Variants in LOXHD1 observed in about 807,000 individuals in gnomAD.
LOXHD1 encodes the protein lipoxygenase homology PLAT domains 1, also known as lipoxygenase homology domain-containing protein 1.
Under a neutral mutation model 248.2 loss-of-function variants are expected in LOXHD1, and 205 were observed. The observed-to-expected ratio is 0.83, with a 90% CI of 0.74 to 0.93. The LOEUF (loss-of-function observed/expected upper bound fraction) is 0.93, where lower values mean the gene tolerates loss of function less well. LOXHD1 is among the 40% of genes least tolerant of loss of function. The pLI is 0.00. For synonymous variants in LOXHD1, 1,113 were observed against 1,162.8 expected (o/e 0.96, Z 0.87); for missense variants, 2,930 against 2,971.6 (o/e 0.99, Z 0.33).
At chr18:46,565,575 G>C (rs148804231) in intron 17 of LOXHD1, among the ~76,000 whole-genome samples, 2 of 152,270 alleles carry the variant, frequency 1.3e-5, no homozygotes, top group Non-Finnish European at 2.9e-5. Context: ...TATCTGCAGG[G>C]ACAGGTTCCA....
At chr18:46,547,357 A>G (rs971000002) in intron 21 of LOXHD1, among the ~76,000 whole-genome samples, 2 of 152,192 alleles carry the variant, frequency 1.3e-5, no homozygotes, top group African/African-American at 2.4e-5. Flanking sequence ...ATCTAGAAGG[A>G]GAGGGACATA....
At chr18:46,625,875 G>A (rs1195815009) in intron 4 of LOXHD1, among the ~76,000 whole-genome samples, 1 of 152,042 alleles carries the variant, frequency 6.6e-6, no homozygotes. Context: ...CCATCCACCT[G>A]CACATTTCGA....
intron 8 of LOXHD1, among the ~76,000 whole-genome samples, chr18:46,597,482 A>G (rs1019921569): frequency 1.3e-5 from 2 of 152,050 alleles, no homozygotes; most frequent in African/African-American, 4.8e-5. Flanking sequence ...TAAAGCAAAA[A>G]TTGTTCTACA....
chr18:46,537,888 T>C (rs1431948429), intron 26 of LOXHD1, among the ~76,000 whole-genome samples: 1 of 152,208 alleles, frequency 6.6e-6, no homozygotes, highest in Non-Finnish European at 1.5e-5. Flanking sequence ...GAGAGGCCCG[T>C]TGGCTTTATG....
intron 36 of LOXHD1, among the ~76,000 whole-genome samples, chr18:46,506,696 T>C (rs922892216): frequency 6.6e-6 from 1 of 152,190 alleles, no homozygotes; most frequent in African/African-American, 2.4e-5. Flanking sequence ...CCCAACAAAA[T>C]TTACTAGCTT....
intron 34 of LOXHD1, among the ~76,000 whole-genome samples, chr18:46,511,056 C>T (rs1192261320): frequency 6.6e-6 from 1 of 152,150 alleles, no homozygotes; most frequent in Non-Finnish European, 1.5e-5. Context: ...TTGAATTTAG[C>T]CAAGTGTCTT....
rs142071544 is a variant in LOXHD1 at position 46,549,380 on chromosome 18, A to G, written c.3351-2322T>C. 4.3e-4 allele frequency among the ~76,000 whole-genome samples: 65 copies of G among 152,374 alleles called. 1 individual carries two copies. The Middle Eastern group carries it at 0.014, about 32-fold the overall frequency. ...GAGATTGCAAAATTGAGTGTTGTAC[A>G]ATATAAATAATTTCATACAGAATTT... is the stretch of plus-strand genomic sequence containing the variant. On this transcript the variant is annotated intron_variant, in intron 21 of 40. Coordinates refer to ENST00000642948, the MANE Select transcript of LOXHD1 (RefSeq NM_001384474.1).
At chr18:46,528,621 C>G (rs1359114048) in intron 29 of LOXHD1, among the ~76,000 whole-genome samples, 1 of 152,124 alleles carries the variant, frequency 6.6e-6, no homozygotes, top group Non-Finnish European at 1.5e-5. Context: ...TCCATCTGCA[C>G]CTGCCTCCAC....
chr18:46,518,913 A>G lies in LOXHD1; in HGVS notation c.5272-657T>C, dbSNP rs541611580. 7.1e-6 allele frequency: 7 copies of G among 985,572 alleles called. No individual in the cohort carries two copies. The East Asian group carries it at 7.9e-4, about 112-fold the overall frequency. 61.1% of individuals were successfully genotyped at this position (985,572 alleles called of 1,614,324 possible). A position where few individuals can be genotyped will look rare whatever the true frequency, so the allele number is the denominator to read the frequency against. ...ACTGCCTCAATCCACTGGAGAAGTG[A>G]GACAATCCCCTAGTTCCATGATGTT... On this transcript the variant is annotated intron_variant, in intron 33 of 40. Transcript: ENST00000642948.
intron 21 of LOXHD1, among the ~76,000 whole-genome samples, chr18:46,556,429 C>G (rs1164210814): frequency 6.6e-6 from 1 of 152,086 alleles, no homozygotes; most frequent in Non-Finnish European, 1.5e-5. Context: ...AGTTGCTGGT[C>G]TGGGGGATCT....
At chr18:46,525,549 C>G (rs1455501867) in intron 29 of LOXHD1, among the ~76,000 whole-genome samples, 2 of 151,968 alleles carry the variant, frequency 1.3e-5, no homozygotes, top group African/African-American at 4.8e-5. Flanking sequence ...TGATACAAGG[C>G]CCTAATCTGT....
intron 25 of LOXHD1, among the ~76,000 whole-genome samples, chr18:46,538,822 G>C (rs1230355269): frequency 6.6e-6 from 1 of 152,168 alleles, no homozygotes; most frequent in Non-Finnish European, 1.5e-5. Context: ...GTCTACGGTA[G>C]TGAGCATTCT....
Position 46,524,547 on chromosome 18 carries a change from T to C in LOXHD1, c.4795A>G (p.Ile1599Val). 1 of 1,551,676 alleles carries C rather than the reference T, an allele frequency of 6.4e-7. No individual in the cohort carries two copies. Among genetic ancestry groups the C allele is most frequent in the East Asian group, 2.4e-5 (1 of 40,908 alleles). ...TCGGCCATCTTGGAGCTCAGGGCGA[T>C]CTCCCAGAAGTCAGCAGGGCTGCTG... is the stretch of plus-strand genomic sequence containing the variant. The part of the protein sequence containing the change: ...NCSSPADFWE[I>V]ALSSKMADVD... The change falls in exon 31 of 41, where the codon ATC (isoleucine) becomes GTC (valine). Residue 1599 changes from isoleucine to valine, a missense_variant. By Grantham distance (29) the Ile-to-Val change is conservative (BLOSUM62 3). Transcript: ENST00000642948.
chr18:46,534,795 G>T (rs1415036565), intron 26 of LOXHD1, among the ~76,000 whole-genome samples: 1 of 152,160 alleles, frequency 6.6e-6, no homozygotes, highest in African/African-American at 2.4e-5. Context: ...GGTAGCAGAA[G>T]ATGAGTTCTG....
intron 12 of LOXHD1, among the ~76,000 whole-genome samples, chr18:46,584,150 G>A (rs1021189270): frequency 6.6e-6 from 1 of 151,918 alleles, no homozygotes; most frequent in Admixed American, 6.6e-5. Flanking sequence ...AAAAAAAAGA[G>A]AGAGAGAGAT....
intron 21 of LOXHD1, among the ~76,000 whole-genome samples, chr18:46,554,495 A>AT (rs948922561): frequency 6.6e-6 from 1 of 152,134 alleles, no homozygotes; most frequent in African/African-American, 2.4e-5. Flanking sequence ...AACTTCTATA[A>AT]TTTTTTGTCT....
At chr18:46,590,383 G>A (rs328151) in intron 12 of LOXHD1, among the ~76,000 whole-genome samples, 120,811 of 152,064 alleles carry the variant, frequency 0.79, 48,520 homozygotes, top group Non-Finnish European at 0.86. Context: ...AAGAGTGACC[G>A]TCCAGATAAT....
At chr18:46,479,182 C>T (rs143948047) in intron 40 of LOXHD1, among the ~76,000 whole-genome samples, 1 of 151,894 alleles carries the variant, frequency 6.6e-6, no homozygotes, top group Non-Finnish European at 1.5e-5. Flanking sequence ...TAAATGTACG[C>T]TCCCAGATCC....
At position 46,496,886 on chromosome 18, in the gene LOXHD1, C is replaced by T. The variant is rs1468698091; in HGVS notation, c.5879-7744G>A. Among the ~76,000 whole-genome samples the T allele has an allele frequency of 2.0e-5, 3 of 152,126 alleles. No individual in the cohort carries two copies. In the East Asian group the frequency reaches 5.8e-4, roughly 29 times the overall value. ...GGTGTGGTGGCACACTCCTGTAATCCCAGCTACTCTGGAGGCTGAGACAGA... is the reference window on the plus strand; with the variant it reads ...GGTGTGGTGGCACACTCCTGTAATCTCAGCTACTCTGGAGGCTGAGACAGA... On this transcript the variant is annotated intron_variant, in intron 37 of 40. Transcript: ENST00000642948.
Sources: gnomAD v4.1 joint callset for allele counts (sites outside exome capture counted in the v4.1 genomes callset) on GRCh38, gnomAD v4.1.1 for gene constraint, MANE v1.5 for transcripts, NCBI Gene and HGNC (gene_info 2026-07-23, HGNC 2026-07-21) for gene names.